ENTHD1: variants seen among roughly 807,000 people sequenced by gnomAD.
ENTHD1 encodes the protein ENTH domain containing 1, also known as ENTH domain-containing protein 1.
In ENTHD1, 23 loss-of-function variants were observed where a neutral mutation model predicts 39.1. That is an observed-to-expected ratio of 0.59 (90% CI 0.42 to 0.83). The LOEUF (loss-of-function observed/expected upper bound fraction) is 0.83, where lower values mean the gene tolerates loss of function less well. Ranked by LOEUF, ENTHD1 falls within the 40% of genes least tolerant of loss-of-function variation. The pLI is 0.00. For missense variants in ENTHD1, 624 were observed against 705.4 expected (o/e 0.88, Z 1.31); for synonymous variants, 230 against 258.2 (o/e 0.89, Z 1.05).
rs892261017 is a variant in ENTHD1 at position 39,846,289 on chromosome 22, C to T, written c.593-10331G>A. Among the ~76,000 whole-genome samples, 5 of 152,136 alleles carry T rather than the reference C, an allele frequency of 3.3e-5. No homozygotes were observed. In the East Asian group the frequency reaches 7.7e-4, roughly 23 times the overall value. On this transcript the variant is annotated intron_variant, in intron 3 of 6. Transcript: ENST00000325157. ...GATCACAGCTCACTGCAGCCTCTAC[C>T]GCTCAGGCTCAAGCGATCTTCCCAT...
chr22:39,757,282 T>C (rs1047791330), intron 6 of ENTHD1, among the ~76,000 whole-genome samples: 2 of 152,122 alleles, frequency 1.3e-5, no homozygotes, highest in African/African-American at 4.8e-5. Context: ...TTGTTGTTTG[T>C]TTTTTGAGAT....
intron 5 of ENTHD1, among the ~76,000 whole-genome samples, chr22:39,793,142 G>T (rs2065518452): frequency 6.6e-6 from 1 of 152,010 alleles, no homozygotes; most frequent in Non-Finnish European, 1.5e-5. Context: ...AGGGTGAGAT[G>T]ATTTCTCATT....
chr22:39,765,305 C>G lies in ENTHD1; in HGVS notation c.1137G>C (p.Glu379Asp), dbSNP rs199789187. 2 of 1,613,728 alleles carry G rather than the reference C, an allele frequency of 1.2e-6. No individual in the cohort carries two copies. The highest frequency in any genetic ancestry group is 2.7e-5 in the African/African-American group (2 of 74,960). The change falls in exon 6 of 7, where the codon GAG (glutamate) becomes GAC (aspartate). Residue 379 changes from glutamate (E) to aspartate (D), a missense_variant. Physicochemically the swap from Glu to Asp is conservative, Grantham distance 45. Transcript: ENST00000325157. ...PSFKIFDRVK[E>D]IVINKAYQKP... ...TCTGGTAGGCCTTGTTGATTACAAT[C>G]TCCTTCACTCGGTCAAATATTTTGA... is the stretch of plus-strand genomic sequence containing the variant.
intron 3 of ENTHD1, among the ~76,000 whole-genome samples, chr22:39,851,115 C>G (rs1328557505): frequency 6.6e-6 from 1 of 152,092 alleles, no homozygotes; most frequent in Non-Finnish European, 1.5e-5. Context: ...CAATTATAGG[C>G]TGTTATTTTC....
intron 5 of ENTHD1, among the ~76,000 whole-genome samples, chr22:39,774,003 G>T (rs888379707): frequency 6.6e-6 from 1 of 152,172 alleles, no homozygotes; most frequent in African/African-American, 2.4e-5. Flanking sequence ...CAGGTACAAA[G>T]CATTCAGCGT....
intron 5 of ENTHD1, among the ~76,000 whole-genome samples, chr22:39,769,655 A>G (rs1210611896): frequency 6.6e-6 from 1 of 152,092 alleles, no homozygotes; most frequent in Non-Finnish European, 1.5e-5. Flanking sequence ...CTGCAGTAGT[A>G]CTCAGAGGAA....
At chr22:39,768,793 G>A (rs1191819882) in intron 5 of ENTHD1, among the ~76,000 whole-genome samples, 3 of 151,686 alleles carry the variant, frequency 2.0e-5, no homozygotes, top group Non-Finnish European at 2.9e-5. Flanking sequence ...TGTATTTGAC[G>A]CCTAAAAATA....
Position 39,824,201 on chromosome 22 carries a change from CTTTTTTTTTTTTTT to C in ENTHD1, c.712-3102_712-3089del, listed in dbSNP as rs71197195. Among the ~76,000 whole-genome samples the C allele has an allele frequency of 2.7e-4, 19 of 71,414 alleles. 1 individual carries two copies. Among genetic ancestry groups the C allele is most frequent in the African/African-American group, 9.9e-4 (18 of 18,130 alleles). 46.9% of individuals were successfully genotyped at this position (71,414 alleles called of 152,430 possible). On this transcript the variant is annotated intron_variant, in intron 4 of 6. Coordinates refer to ENST00000325157, the MANE Select transcript of ENTHD1 (RefSeq NM_152512.4). ...TTAGGGATCATGCTTTTGTCCAGTT[CTTTTTTTTTTTTTT>C]TTTTTTTTTTTTGAGACAGAGTCTC... is the stretch of plus-strand genomic sequence containing the variant.
intron 3 of ENTHD1, among the ~76,000 whole-genome samples, chr22:39,861,326 G>A (rs2066138015): frequency 6.6e-6 from 1 of 152,156 alleles, no homozygotes; most frequent in South Asian, 2.1e-4. Context: ...GATCACTTGA[G>A]GTCATGAGTT....
Position 39,887,522 on chromosome 22 carries a change from G to A in ENTHD1, c.227C>T (p.Thr76Ile). 1.2e-6 allele frequency: 2 copies of A among 1,613,874 alleles called. No homozygotes were observed. Among genetic ancestry groups the A allele is most frequent in the Non-Finnish European group, 1.7e-6 (2 of 1,179,774 alleles). The change falls in exon 2 of 7, where the codon ACC becomes ATC. Residue 76 changes from threonine to isoleucine, a missense_variant. Coordinates refer to ENST00000325157, the MANE Select transcript of ENTHD1 (RefSeq NM_152512.4). ...ATTCTTGATGAGATAATCCATTAGGGTAAGGGATTTATACACGTGGCGCCA... is the reference window on the plus strand; with the variant it reads ...ATTCTTGATGAGATAATCCATTAGGATAAGGGATTTATACACGTGGCGCCA... ...KNWRHVYKSL[T>I]LMDYLIKNGS... is the part of the protein sequence containing the mutation.
chr22:39,761,860 A>G (rs150494677), intron 6 of ENTHD1, among the ~76,000 whole-genome samples: 55 of 152,264 alleles, frequency 3.6e-4, no homozygotes, highest in African/African-American at 1.3e-3. Context: ...ATGGATTTGT[A>G]ATAGCTGCTT....
At position 39,797,080 on chromosome 22, in the gene ENTHD1, C is replaced by T. The variant is rs535404419; in HGVS notation, c.832+23913G>A. On this transcript the variant is annotated intron_variant, in intron 5 of 6. Coordinates refer to ENST00000325157, the MANE Select transcript of ENTHD1 (RefSeq NM_152512.4). ...ACATATATATTTAGAATTGTTATAT[C>T]CTCTTGCTCAATTAATCCCTTTATC... 2.6e-5 allele frequency among the ~76,000 whole-genome samples: 4 copies of T among 152,236 alleles called. No individual in the cohort carries two copies. The East Asian group carries it at 5.8e-4, about 22-fold the overall frequency.
chr22:39,790,093 G>A (rs1324340681), intron 5 of ENTHD1, among the ~76,000 whole-genome samples: 1 of 152,164 alleles, frequency 6.6e-6, no homozygotes, highest in Admixed American at 6.6e-5. Flanking sequence ...AGAAGGAGAA[G>A]GGGTGGGAGA....
intron 6 of ENTHD1, among the ~76,000 whole-genome samples, chr22:39,754,879 T>C (rs1485545579): frequency 6.6e-6 from 1 of 152,248 alleles, no homozygotes; most frequent in African/African-American, 2.4e-5. Flanking sequence ...AGACCTTTAC[T>C]GACCAGCACT....
chr22:39,813,882 A>T (rs2065712522), intron 5 of ENTHD1, among the ~76,000 whole-genome samples: 1 of 152,250 alleles, frequency 6.6e-6, no homozygotes, highest in African/African-American at 2.4e-5. Flanking sequence ...AAATCAATAT[A>T]CAAAACTTAA....
chr22:39,879,461 T>TAA, intron 2 of ENTHD1, among the ~76,000 whole-genome samples: 1 of 25,776 alleles, frequency 3.9e-5, no homozygotes, highest in Non-Finnish European at 6.7e-5. Context: ...AGACTCTGTC[T>TAA]CAAAAAAAAA....
intron 5 of ENTHD1, among the ~76,000 whole-genome samples, chr22:39,816,579 C>T (rs1212472758): frequency 6.6e-6 from 1 of 152,090 alleles, no homozygotes. Flanking sequence ...TCAAAGCAGT[C>T]GAGAAAAATG....
rs528755353 is a variant in ENTHD1, at chr22:39,762,438, ATCTCACTGTGTCACCCAGGC to A, written c.1219+2765_1219+2784del. 3.2e-3 allele frequency among the ~76,000 whole-genome samples: 480 copies of A among 149,882 alleles called. 2 individuals are homozygous for A. The highest frequency in any genetic ancestry group is 9.3e-3 in the African/African-American group (380 of 40,668). Reference sequence around the variant, plus strand: ...TTGATTTTTTTTTTTTTGACACAGGATCTCACTGTGTCACCCAGGCTCTCACTGTGTCACCCAGGCTCTCA... The same window carrying A: ...TTGATTTTTTTTTTTTTGACACAGGATCTCACTGTGTCACCCAGGCTCTCA... On this transcript the variant is annotated intron_variant, in intron 6 of 6. Transcript: ENST00000325157.
At chr22:39,761,782 T>C (rs1013409703) in intron 6 of ENTHD1, among the ~76,000 whole-genome samples, 2 of 152,142 alleles carry the variant, frequency 1.3e-5, no homozygotes, top group African/African-American at 4.8e-5. Context: ...TTTAATTCCT[T>C]TTTACAGTTT....
Sources: allele counts gnomAD v4.1 joint callset (sites outside exome capture counted in the v4.1 genomes callset), GRCh38; gene constraint gnomAD v4.1.1; transcripts MANE v1.5; gene names NCBI Gene and HGNC (gene_info 2026-07-23, HGNC 2026-07-21).